TSGA10: variants seen among roughly 807,000 people sequenced by gnomAD.
The protein encoded by TSGA10 is testis specific 10, also known as testis-specific gene 10 protein.
In TSGA10, 43 loss-of-function variants were observed where a neutral mutation model predicts 96.6. The ratio of observed to expected loss-of-function variants is 0.44; its 90% confidence interval spans 0.35 to 0.57. TSGA10 has a LOEUF of 0.57. TSGA10 is among the 20% of genes least tolerant of loss of function. The pLI, the probability that TSGA10 is intolerant of heterozygous loss-of-function variation, is 0.01. For synonymous variants in TSGA10, 229 were observed against 269.9 expected (o/e 0.85, Z 1.48); for missense variants, 703 against 834.4 (o/e 0.84, Z 1.94).
intron 1 of TSGA10, among the ~76,000 whole-genome samples, chr2:99,128,879 C>T (rs2092946663): frequency 6.6e-6 from 1 of 152,154 alleles, no homozygotes; most frequent in South Asian, 2.1e-4. Flanking sequence ...TCCCAAATAG[C>T]TGGGAACACA....
In TSGA10 at chr2:99,154,812, G is replaced by C; in HGVS notation, c.-740C>G. 6.1e-6 allele frequency: 2 copies of C among 327,904 alleles called. No individual in the cohort carries two copies. The highest frequency in any genetic ancestry group is 4.4e-5 in the South Asian group (2 of 45,350). The allele number at this position is 327,904 out of a possible 1,614,324, so 20.3% of individuals were successfully genotyped here. On this transcript the variant is annotated 5_prime_UTR_variant, in exon 1 of 21. Coordinates refer to ENST00000393483, the MANE Select transcript of TSGA10 (RefSeq NM_025244.4). ...TAGCCTGCGTCCCTGCCTGGAACCT[G>C]GTTCCCGCCCTGAAGGACCCTTACT...
chr2:99,140,829 G>C lies in TSGA10; in HGVS notation c.-620-13653C>G, dbSNP rs550094805. On this transcript the variant is annotated intron_variant, in intron 1 of 20. Transcript: ENST00000393483. ...AACAACCAAGCGGAGAGCTGCGGGA[G>C]GACGCGAAGCAGTGACCATAGGAAC... is the stretch of plus-strand genomic sequence containing the variant. Among the ~76,000 whole-genome samples, 108 of 152,210 alleles carry C rather than the reference G, an allele frequency of 7.1e-4. 1 individual carries two copies. Among genetic ancestry groups the C allele is most frequent in the African/African-American group, 2.5e-3 (102 of 41,536 alleles).
chr2:99,093,028 A>T (rs1406025213), intron 10 of TSGA10, among the ~76,000 whole-genome samples: 3 of 152,144 alleles, frequency 2.0e-5, no homozygotes, highest in Admixed American at 2.0e-4. Context: ...ACCAAATCCA[A>T]CAGCATATCA....
At chr2:99,029,423 A>T (rs1009803162) in intron 17 of TSGA10, among the ~76,000 whole-genome samples, 14 of 150,512 alleles carry the variant, frequency 9.3e-5, no homozygotes, top group South Asian at 6.3e-4. Flanking sequence ...AAATGTATTT[A>T]AAAAAAAAGA....
At chr2:99,017,379 T>C (rs1302488782) in intron 20 of TSGA10, among the ~76,000 whole-genome samples, 1 of 152,182 alleles carries the variant, frequency 6.6e-6, no homozygotes, top group Admixed American at 6.5e-5. Flanking sequence ...TTGGAGACCA[T>C]TATTCTAAGG....
chr2:99,100,647 C>T (rs1029699712), intron 10 of TSGA10, among the ~76,000 whole-genome samples: 42 of 151,256 alleles, frequency 2.8e-4, no homozygotes, highest in Admixed American at 1.3e-4. Flanking sequence ...GGTGAAACCC[C>T]GTCTCTACTA....
At chr2:99,088,629 T>C (rs958008792) in intron 10 of TSGA10, among the ~76,000 whole-genome samples, 4 of 152,188 alleles carry the variant, frequency 2.6e-5, no homozygotes, top group African/African-American at 9.7e-5. Flanking sequence ...GGAAAACTGA[T>C]CATTCCTTAT....
intron 1 of TSGA10, among the ~76,000 whole-genome samples, chr2:99,129,168 TTC>T (rs930284686): frequency 1.1e-4 from 16 of 152,226 alleles, no homozygotes; most frequent in Admixed American, 9.8e-4. Context: ...TCTCCAGGTT[TTC>T]TCTGTCTTCT....
chr2:99,010,588 CCA>C (rs1396314662), intron 20 of TSGA10, among the ~76,000 whole-genome samples: 1 of 152,222 alleles, frequency 6.6e-6, no homozygotes. Context: ...GCACACACTC[CCA>C]GTCTCCAGCT....
At chr2:99,148,988 AAAAT>A (rs869164785) in intron 1 of TSGA10, among the ~76,000 whole-genome samples, 26 of 152,100 alleles carry the variant, frequency 1.7e-4, no homozygotes, top group African/African-American at 5.5e-4. Flanking sequence ...GACTGGAAAA[AAAAT>A]AAATAAAAAT....
At chr2:99,046,481 A>G (rs2082787733) in intron 16 of TSGA10, among the ~76,000 whole-genome samples, 1 of 152,220 alleles carries the variant, frequency 6.6e-6, no homozygotes, top group Admixed American at 6.5e-5. Context: ...TACTGGGTAC[A>G]TAACGAAATG....
At chr2:99,078,835 T>C (rs2087071419) in intron 11 of TSGA10, 22 bp from the exon 12 acceptor site, 9 of 1,577,746 alleles carry the variant, frequency 5.7e-6, no homozygotes, top group Admixed American at 1.9e-5. Context: ...ATCATAAAAG[T>C]GTTGTTTTAA....
At position 99,065,963 on chromosome 2, in the gene TSGA10, AT is replaced by A. The variant is rs1228005911; in HGVS notation, c.1219-840del. Among the ~76,000 whole-genome samples, 10 of 152,344 alleles carry A rather than the reference AT, an allele frequency of 6.6e-5. 1 individual carries two copies. The East Asian group carries it at 1.9e-3, about 29-fold the overall frequency. ...AATCATTATTAGGCTATTTAAAAAA[AT>A]ATTTTATTATGGTTTGGTGAATTCA... On this transcript the variant is annotated intron_variant, in intron 15 of 20. Transcript: ENST00000393483.
intron 20 of TSGA10, among the ~76,000 whole-genome samples, chr2:99,001,729 A>C (rs567781823): frequency 1.1e-4 from 16 of 152,284 alleles, no homozygotes; most frequent in African/African-American, 3.4e-4. Flanking sequence ...AAGAAGCTAA[A>C]AACCTTGGAA....
intron 10 of TSGA10, among the ~76,000 whole-genome samples, chr2:99,090,035 A>G (rs1182782293): frequency 6.6e-6 from 1 of 152,180 alleles, no homozygotes; most frequent in Admixed American, 6.6e-5. Context: ...CCTCCACCAG[A>G]GCAGGTGCTG....
At chr2:99,085,395 G>A (rs1002260945) in intron 10 of TSGA10, among the ~76,000 whole-genome samples, 2 of 151,848 alleles carry the variant, frequency 1.3e-5, no homozygotes, top group African/African-American at 4.8e-5. Context: ...ACTTGAGGCT[G>A]GGAGATCAAG....
chr2:99,003,628 T>G (rs1481155198), intron 20 of TSGA10, among the ~76,000 whole-genome samples: 1 of 152,108 alleles, frequency 6.6e-6, no homozygotes, highest in African/African-American at 2.4e-5. Context: ...ATCAATCAAA[T>G]TAGAACTCAG....
chr2:99,090,151 CA>C (rs2089126553), intron 10 of TSGA10, among the ~76,000 whole-genome samples: 1 of 152,122 alleles, frequency 6.6e-6, no homozygotes. Context: ...TGGCTAGATA[CA>C]GAAGAGAAAT....
At chr2:99,064,635 C>A (rs1200758970) in intron 16 of TSGA10, among the ~76,000 whole-genome samples, 1 of 152,096 alleles carries the variant, frequency 6.6e-6, no homozygotes, top group Non-Finnish European at 1.5e-5. Context: ...GCAAACATGG[C>A]AAAATGTTAG....
Sources: gnomAD v4.1 joint callset for allele counts (sites outside exome capture counted in the v4.1 genomes callset) on GRCh38, gnomAD v4.1.1 for gene constraint, MANE v1.5 for transcripts, NCBI Gene and HGNC (gene_info 2026-07-23, HGNC 2026-07-21) for gene names.